Variants in DPYD observed in about 807,000 individuals in gnomAD.
DPYD encodes dihydropyrimidine dehydrogenase.
A neutral mutation model predicts 116.2 loss-of-function variants in DPYD; 109 were observed. That is an observed-to-expected ratio of 0.94 (90% CI 0.80 to 1.10). DPYD has a LOEUF of 1.10. DPYD is among the 50% of genes least tolerant of loss of function. The pLI is 0.00. For synonymous variants in DPYD, 440 were observed against 432.0 expected, an observed-to-expected ratio of 1.02 and a Z score of -0.23; for missense variants, 1,302 against 1,254.5, an observed-to-expected ratio of 1.04 and a Z score of -0.57.
chr1:97,440,655 C>G (rs1313207915), intron 14 of DPYD, among the ~76,000 whole-genome samples: 1 of 152,172 alleles, frequency 6.6e-6, no homozygotes, highest in Non-Finnish European at 1.5e-5. Flanking sequence ...TCCCAACTTT[C>G]GTACTATAGT....
At chr1:97,913,705 T>A (rs1004491489) in intron 1 of DPYD, among the ~76,000 whole-genome samples, 1 of 152,128 alleles carries the variant, frequency 6.6e-6, no homozygotes, top group Non-Finnish European at 1.5e-5. Context: ...AAGATTAAGA[T>A]CTACCGGGTG....
intron 7 of DPYD, among the ~76,000 whole-genome samples, chr1:97,688,357 A>G (rs749131941): frequency 1.1e-4 from 17 of 152,162 alleles, no homozygotes; most frequent in Non-Finnish European, 2.1e-4. Context: ...TGTATACTGA[A>G]ATAGTAGACT....
intron 5 of DPYD, among the ~76,000 whole-genome samples, chr1:97,717,376 G>A (rs1446152088): frequency 6.6e-6 from 1 of 152,068 alleles, no homozygotes; most frequent in East Asian, 1.9e-4. Flanking sequence ...TGAGTCACCT[G>A]ATTTCATCTA....
intron 3 of DPYD, among the ~76,000 whole-genome samples, chr1:97,786,317 C>T (rs759702095): frequency 6.6e-6 from 1 of 152,096 alleles, no homozygotes; most frequent in Non-Finnish European, 1.5e-5. Flanking sequence ...ATTCTTTTAA[C>T]GTACAGATGA....
intron 6 of DPYD, among the ~76,000 whole-genome samples, chr1:97,698,133 T>C (rs1421874814): frequency 6.6e-6 from 1 of 151,926 alleles, no homozygotes; most frequent in Non-Finnish European, 1.5e-5. Context: ...ATGTAATCTC[T>C]TGGAATTCAT....
rs1476285775 is a variant in DPYD at position 97,699,556 on chromosome 1, A to C, written c.484-9T>G. The C allele has an allele frequency of 1.2e-6, 2 of 1,612,802 alleles. No individual in the cohort carries two copies. The highest frequency in any genetic ancestry group is 1.7e-6 in the Non-Finnish European group (2 of 1,179,130). On this transcript the variant is annotated splice_polypyrimidine_tract_variant and intron_variant, in intron 5 of 22. Coordinates refer to ENST00000370192, the MANE Select transcript of DPYD (RefSeq NM_000110.4). ...CTCATTGCTTTGAATACCTACGGGGAAATCAATTGTCATGGTTAAAATTTT... is the reference window on the plus strand; with the variant it reads ...CTCATTGCTTTGAATACCTACGGGGCAATCAATTGTCATGGTTAAAATTTT...
At chr1:97,231,677 CAAG>C (rs1265120516) in intron 19 of DPYD, among the ~76,000 whole-genome samples, 1 of 152,040 alleles carries the variant, frequency 6.6e-6, no homozygotes, top group East Asian at 1.9e-4. Context: ...CACACAGAGC[CAAG>C]CCATATCAAT....
At chr1:97,792,129 A>G (rs1330610160) in intron 3 of DPYD, among the ~76,000 whole-genome samples, 1 of 152,182 alleles carries the variant, frequency 6.6e-6, no homozygotes, top group East Asian at 1.9e-4. Context: ...TCCATTAACA[A>G]CTATTTTTGG....
intron 8 of DPYD, among the ~76,000 whole-genome samples, chr1:97,653,394 T>A (rs969858784): frequency 6.7e-6 from 1 of 150,296 alleles, no homozygotes; most frequent in African/African-American, 2.4e-5. Context: ...AACCTCCGAC[T>A]CCCGGGTTCA....
intron 13 of DPYD, among the ~76,000 whole-genome samples, chr1:97,477,602 T>C (rs940306130): frequency 5.0e-4 from 57 of 114,802 alleles, no homozygotes; most frequent in Middle Eastern, 5.4e-3. Flanking sequence ...ATGACTGTTC[T>C]TCTTTTTTTT....
intron 18 of DPYD, among the ~76,000 whole-genome samples, chr1:97,242,753 T>C (rs1216572157): frequency 1.3e-5 from 2 of 151,870 alleles, no homozygotes; most frequent in Non-Finnish European, 2.9e-5. Flanking sequence ...ACAGTGATTC[T>C]ATCCTCTGTA....
chr1:97,403,565 T>C (rs1369372797), intron 14 of DPYD, among the ~76,000 whole-genome samples: 4 of 152,064 alleles, frequency 2.6e-5, no homozygotes. Context: ...AATTGGTTCA[T>C]TTAATCCAGG....
intron 10 of DPYD, among the ~76,000 whole-genome samples, chr1:97,581,275 T>C (rs1168160085): frequency 3.1e-5 from 4 of 127,820 alleles, no homozygotes; most frequent in Admixed American, 1.1e-4. Flanking sequence ...TGCAGTGAGC[T>C]GAGATCGCAC....
At chr1:97,726,036 A>T (rs1663238255) in intron 4 of DPYD, among the ~76,000 whole-genome samples, 1 of 151,578 alleles carries the variant, frequency 6.6e-6, no homozygotes, top group South Asian at 2.1e-4. Context: ...AGTGGGAATT[A>T]TATACTCAAT....
chr1:97,325,007 T>C (rs775052965), intron 16 of DPYD, among the ~76,000 whole-genome samples: 4 of 152,056 alleles, frequency 2.6e-5, no homozygotes, highest in Non-Finnish European at 5.9e-5. Context: ...TTTACAGAAG[T>C]GCCTGAAGCC....
At chr1:97,511,902 T>C (rs188172083) in intron 13 of DPYD, among the ~76,000 whole-genome samples, 123 of 152,058 alleles carry the variant, frequency 8.1e-4, no homozygotes, top group African/African-American at 2.8e-3. Context: ...TAAACCACAA[T>C]CTATACATTC....
At chr1:97,390,806 C>A (rs569851229) in intron 14 of DPYD, among the ~76,000 whole-genome samples, 1 of 152,002 alleles carries the variant, frequency 6.6e-6, no homozygotes, top group South Asian at 2.1e-4. Flanking sequence ...ACTCTAGGAG[C>A]TACAGTAACT....
chr1:97,306,323 A>G (rs1667166239), intron 16 of DPYD, 26 bp from the exon 17 acceptor site: 2 of 1,611,478 alleles, frequency 1.2e-6, no homozygotes, highest in African/African-American at 1.3e-5. Flanking sequence ...GGTTAAATAT[A>G]GAACAAAATT....
intron 18 of DPYD, among the ~76,000 whole-genome samples, chr1:97,285,155 A>G (rs533573885): frequency 6.6e-6 from 1 of 152,346 alleles, no homozygotes; most frequent in South Asian, 2.1e-4. Context: ...TAGAAGGGAT[A>G]TATGTAAACT....
Sources: allele counts gnomAD v4.1 joint callset (sites outside exome capture counted in the v4.1 genomes callset), GRCh38; gene constraint gnomAD v4.1.1; transcripts MANE v1.5; gene names NCBI Gene and HGNC (gene_info 2026-07-23, HGNC 2026-07-21).